ZNF541: variants seen among roughly 807,000 people sequenced by gnomAD.
The protein encoded by ZNF541 is zinc finger protein 541.
A neutral mutation model predicts 123.5 loss-of-function variants in ZNF541; 23 were observed. That is an observed-to-expected ratio of 0.19 (90% CI 0.13 to 0.26). The LOEUF (loss-of-function observed/expected upper bound fraction) is 0.26. ZNF541 is among the 10% of genes least tolerant of loss of function. The pLI, the probability that ZNF541 is intolerant of heterozygous loss-of-function variation, is 1.00. For synonymous variants in ZNF541, 751 were observed against 754.5 expected (o/e 1.00, Z 0.08); for missense variants, 1,612 against 1,789.9 (o/e 0.90, Z 1.79).
intron 9 of ZNF541, among the ~76,000 whole-genome samples, chr19:47,534,747 A>T: frequency 6.6e-6 from 1 of 152,194 alleles, no homozygotes; most frequent in Non-Finnish European, 1.5e-5. Flanking sequence ...AAGTATACAG[A>T]TCAATAGAAT....
intron 3 of ZNF541, among the ~76,000 whole-genome samples, chr19:47,552,438 GA>G (rs1970637011): frequency 6.6e-6 from 1 of 152,046 alleles, no homozygotes; most frequent in Non-Finnish European, 1.5e-5. Flanking sequence ...TTACTATAAT[GA>G]GTAGTCAAAT....
rs1293577444 is a variant in ZNF541, at chr19:47,521,514, C to T, written c.3852G>A (p.Glu1284=). The change falls in exon 16 of 17, where the codon GAG becomes GAA. Residue 1284 remains glutamate (E), a synonymous_variant. Coordinates refer to ENST00000391901, the MANE Select transcript of ZNF541 (RefSeq NM_001277075.3). This position sits in a 1 kb window ranked among gnomAD's most constrained non-coding sequence, Gnocchi z 4.2. ...CTCTGCATGGAAAAATGCCCTGGCT[C>T]TCTGCACTTCCCAACAGCTCGGGGG... ...KRTPELLGSA[E]SQGIFPCREC... is the part of the protein sequence containing the mutation. 2.6e-6 allele frequency: 4 copies of T among 1,551,640 alleles called. No individual in the cohort carries two copies. In the Admixed American group the frequency reaches 5.9e-5, roughly 23 times the overall value.
chr19:47,556,826 C>T (rs1161181169), intron 2 of ZNF541, among the ~76,000 whole-genome samples: 3 of 147,316 alleles, frequency 2.0e-5, no homozygotes, highest in Admixed American at 6.8e-5. Context: ...GGCGGGATCT[C>T]GGCTCACTGC....
At chr19:47,541,622 A>G (rs1599995769) in intron 5 of ZNF541, among the ~76,000 whole-genome samples, 1 of 152,238 alleles carries the variant, frequency 6.6e-6, no homozygotes, top group African/African-American at 2.4e-5. Context: ...TCTTCTAGAA[A>G]GATACACAGA....
At chr19:47,542,225 G>A (rs538993836) in intron 5 of ZNF541, among the ~76,000 whole-genome samples, 2 of 152,182 alleles carry the variant, frequency 1.3e-5, no homozygotes, top group African/African-American at 2.4e-5. Context: ...CCAGGCCCTG[G>A]GGGGAGGGCG....
intron 8 of ZNF541, among the ~76,000 whole-genome samples, chr19:47,539,219 G>A (rs1969967629): frequency 6.6e-6 from 1 of 152,068 alleles, no homozygotes. Context: ...CCCAGCACAG[G>A]GCCTGGCACA....
intron 8 of ZNF541, 22 bp from the exon 9 acceptor site, chr19:47,538,461 G>A: frequency 2.7e-6 from 4 of 1,469,624 alleles, no homozygotes; most frequent in Middle Eastern, 1.8e-4. Flanking sequence ...TAGAACCACA[G>A]GTGGTCGCCT....
At chr19:47,549,064 CA>C (rs78494981) in intron 4 of ZNF541, among the ~76,000 whole-genome samples, 180 bp downstream of exon 4, 140 of 114,488 alleles carry the variant, frequency 1.2e-3, no homozygotes, top group Admixed American at 1.7e-3. Flanking sequence ...GGATGACAGA[CA>C]AAAAAAAAAA....
rs1447187050 is a variant in ZNF541 at position 47,545,172 on chromosome 19, T to A, written c.1357A>T (p.Ser453Cys). The part of the protein sequence containing the change: ...EGSESGPGPS[S>C]GSPSEESPPG... ...GGGGACTCCTCCGAGGGGCTTCCGC[T>A]GCTGGGTCCCGGGCCAGACTCGGAG... Residue 453 changes from serine (S) to cysteine (C), a missense_variant, in exon 5 of 17, where the codon AGC becomes TGC. Ser to Cys is a moderately radical substitution (Grantham distance 112). This residue lies in a region of ZNF541 where 1,080 missense variants were observed against 1,013.8 expected (regional missense o/e 1.07). Coordinates refer to ENST00000391901, the MANE Select transcript of ZNF541 (RefSeq NM_001277075.3). The surrounding 1 kb of genome is among the most constrained non-coding windows in gnomAD (Gnocchi z 7.5). 3.3e-6 allele frequency: 5 copies of A among 1,500,284 alleles called. No individual in the cohort carries two copies. Among genetic ancestry groups the A allele is most frequent in the South Asian group, 1.3e-5 (1 of 78,546 alleles). The allele number at this position is 1,500,284 out of a possible 1,614,324, so 92.9% of individuals were successfully genotyped here. A position where few individuals can be genotyped will look rare whatever the true frequency, so the allele number is the denominator to read the frequency against.
At chr19:47,533,300 C>T (rs1044099743) in intron 9 of ZNF541, among the ~76,000 whole-genome samples, 5 of 125,248 alleles carry the variant, frequency 4.0e-5, no homozygotes, top group African/African-American at 1.5e-4. Context: ...GCGGAGCTTG[C>T]GGTGAGCCGA....
chr19:47,538,101 C>G, intron 9 of ZNF541, 41 bp downstream of exon 9: 2 of 1,546,438 alleles, frequency 1.3e-6, no homozygotes, highest in Non-Finnish European at 1.7e-6. Flanking sequence ...CGCAGGCAAT[C>G]CACCCTGGGA....
rs747613826 is a variant in ZNF541, at chr19:47,545,260, G to A, written c.1269C>T (p.Pro423=). ...FQWLRNLPGC[P]KSKGNNVFVV... is the part of the protein sequence containing the mutation. ...CAAACACGTTGTTGCCTTTGCTTTT[G>A]GGACAGCCCGGCAGGTTCCGGAGCC... The change falls in exon 5 of 17, where the codon CCC becomes CCT. Residue 423 remains proline (P), a synonymous_variant. Transcript: ENST00000391901. This position sits in a 1 kb window ranked among gnomAD's most constrained non-coding sequence, Gnocchi z 7.5. The A allele has an allele frequency of 8.4e-6, 13 of 1,548,912 alleles. No individual in the cohort carries two copies. The South Asian group carries it at 1.3e-4, about 16-fold the overall frequency.
intron 2 of ZNF541, among the ~76,000 whole-genome samples, chr19:47,558,631 T>C (rs1279786045): frequency 2.0e-5 from 3 of 151,156 alleles, no homozygotes; most frequent in Non-Finnish European, 4.4e-5. Flanking sequence ...TTTCGCTCTG[T>C]CGCCCAGGCT....
intron 2 of ZNF541, among the ~76,000 whole-genome samples, chr19:47,570,718 TAA>T: frequency 6.6e-6 from 1 of 151,492 alleles, no homozygotes; most frequent in East Asian, 2.0e-4. Context: ...TGCCAGTAGA[TAA>T]AGTTTACATA....
chr19:47,544,538 G>C lies in ZNF541; in HGVS notation c.1991C>G (p.Ser664Cys). ...AAVPTPLAAP[S>C]LDPSRNPDIS... ...GTCTGGATTCCTGGAAGGGTCCAGA[G>C]ACGGTGCTGCAAGGGGCGTTGGAAC... The change falls in exon 5 of 17, where the codon TCT becomes TGT. Residue 664 changes from serine (S) to cysteine (C), a missense_variant. Physicochemically the swap from Ser to Cys is moderately radical, Grantham distance 112 (BLOSUM62 -1). Transcript: ENST00000391901. The C allele has an allele frequency of 1.9e-6, 3 of 1,551,626 alleles. No individual in the cohort carries two copies. The highest frequency in any genetic ancestry group is 2.6e-6 in the Non-Finnish European group (3 of 1,146,994).
chr19:47,546,049 G>A (rs1452683985), intron 4 of ZNF541, 69 bp from the exon 5 acceptor site: 11 of 1,365,418 alleles, frequency 8.1e-6, no homozygotes, highest in Non-Finnish European at 9.7e-6. Flanking sequence ...TAGGACCCTG[G>A]TGGCCCCCAA....
At chr19:47,525,267 G>A (rs971330878) in intron 14 of ZNF541, among the ~76,000 whole-genome samples, 1 of 150,524 alleles carries the variant, frequency 6.6e-6, no homozygotes, top group Non-Finnish European at 1.5e-5. Flanking sequence ...CCTGGGCAAC[G>A]AGAGTGAAAC....
chr19:47,562,796 C>T (rs892931770), intron 2 of ZNF541, among the ~76,000 whole-genome samples: 1 of 152,178 alleles, frequency 6.6e-6, no homozygotes, highest in African/African-American at 2.4e-5. Flanking sequence ...CCCATTGCAG[C>T]ACGTGTCACT....
chr19:47,535,056 G>T (rs900190375), intron 9 of ZNF541, among the ~76,000 whole-genome samples: 1 of 151,672 alleles, frequency 6.6e-6, no homozygotes, highest in African/African-American at 2.4e-5. Context: ...CTGGGTTCAA[G>T]CGATTCTCTG....
Sources: gnomAD v4.1 joint callset for allele counts (sites outside exome capture counted in the v4.1 genomes callset) on GRCh38, gnomAD v4.1.1 for gene constraint, gnomAD v4.1.1 regional missense constraint, Gnocchi (gnomAD v3.1) non-coding constraint, MANE v1.5 for transcripts, NCBI Gene and HGNC (gene_info 2026-07-23, HGNC 2026-07-21) for gene names.